UNK: variants seen among roughly 807,000 people sequenced by gnomAD.
UNK encodes the protein RING finger protein unkempt homolog.
Under a neutral mutation model 97.6 loss-of-function variants are expected in UNK, and 32 were observed. The ratio of observed to expected loss-of-function variants is 0.33; its 90% confidence interval spans 0.25 to 0.44. The LOEUF is 0.44. UNK is among the 20% of genes least tolerant of loss of function. UNK has a pLI of 1.00. For missense variants in UNK, 771 were observed against 1,098.4 expected (o/e 0.70, Z 4.21); for synonymous variants, 441 against 461.2 (o/e 0.96, Z 0.56).
Position 75,823,508 on chromosome 17 carries a change from G to T in UNK, c.2263G>T (p.Glu755Ter). ...CCAGAAACAACTGCGGGCCCACCTG[G>T]AACAAGTGGACAAGGTCAGCCCAGG... is the stretch of plus-strand genomic sequence containing the variant. Reference protein sequence around the residue: ...SLQKQLRAHLEQVDKAVFHMQ... With the variant: ...SLQKQLRAHL The change falls in exon 15 of 16, where the codon GAA (glutamate) becomes TAA (stop). Residue 755 changes from glutamate (E) to a stop codon, truncating the protein, a stop_gained. Transcript: ENST00000589666. LOFTEE classifies it high-confidence loss of function. 1 of 1,561,688 alleles carries T rather than the reference G, an allele frequency of 6.4e-7. No homozygotes were observed. Among genetic ancestry groups the T allele is most frequent in the Admixed American group, 1.8e-5 (1 of 54,954 alleles).
chr17:75,784,898 G>T lies in UNK; in HGVS notation c.18G>T (p.Gly6=), dbSNP rs770145068. 1.9e-6 allele frequency: 3 copies of T among 1,581,270 alleles called. No homozygotes were observed. The highest frequency in any genetic ancestry group is 1.7e-6 in the Non-Finnish European group (2 of 1,166,664). The change falls in exon 1 of 16, where the codon GGG becomes GGT. Residue 6 remains glycine, a synonymous_variant. Transcript: ENST00000589666. MSKGP[G]PGGSAASSAP... is the part of the protein sequence containing the mutation. ...ACAAGACCATGTCGAAGGGCCCCGG[G>T]CCCGGCGGCTCCGCAGCTTCCTCGG...
intron 1 of UNK, among the ~76,000 whole-genome samples, chr17:75,799,014 C>T (rs2061832145): frequency 1.3e-5 from 2 of 150,676 alleles, no homozygotes; most frequent in South Asian, 2.1e-4. Context: ...TGCAGTGAGC[C>T]GAGATCGGGC....
rs534233194 is a variant in UNK, at chr17:75,787,823, C to CA, written c.104+2854dup. On this transcript the variant is annotated intron_variant, in intron 1 of 15. Coordinates refer to ENST00000589666, the MANE Select transcript of UNK (RefSeq NM_001080419.3). ...CTGGGTGACAGAGTGAGACTCGGTC[C>CA]AAAAAAAAAAAAAAAGAGAGACGTG... Among the ~76,000 whole-genome samples the CA allele has an allele frequency of 4.0e-3, 441 of 111,612 alleles. 2 individuals carry two copies. The highest frequency in any genetic ancestry group is 0.015 in the South Asian group (48 of 3,236). The allele number at this position is 111,612 out of a possible 152,430, so 73.2% of individuals were successfully genotyped here.
rs1036477362 is a variant in UNK at position 75,810,105 on chromosome 17, C to T, written c.314+136C>T. ...CCAGCCCATGGCCCGAGCCTGGACT[C>T]AGACCCCACCATCCCTGGCGGTAGG... On this transcript the variant is annotated intron_variant, in intron 2 of 15. Transcript: ENST00000589666. 11 of 1,030,534 alleles carry T rather than the reference C, an allele frequency of 1.1e-5. No individual in the cohort carries two copies. The Admixed American group carries it at 1.5e-4, about 14-fold the overall frequency. The allele number at this position is 1,030,534 out of a possible 1,614,324, so 63.8% of individuals were successfully genotyped here. A position where few individuals can be genotyped will look rare whatever the true frequency, so the allele number is the denominator to read the frequency against.
At chr17:75,812,630 T>A in intron 4 of UNK, 45 bp downstream of exon 4, 1 of 1,589,962 alleles carries the variant, frequency 6.3e-7, no homozygotes, top group Non-Finnish European at 8.6e-7. Flanking sequence ...ATAATCCTGC[T>A]CATAGCTGCC....
intron 1 of UNK, among the ~76,000 whole-genome samples, chr17:75,793,227 G>A (rs1304470395): frequency 6.6e-6 from 1 of 152,172 alleles, no homozygotes; most frequent in Non-Finnish European, 1.5e-5. Flanking sequence ...AGGTGGAAGA[G>A]AAGTTTGCTG....
At chr17:75,808,616 C>T (rs894888814) in intron 1 of UNK, among the ~76,000 whole-genome samples, 5 of 152,050 alleles carry the variant, frequency 3.3e-5, no homozygotes, top group Non-Finnish European at 4.4e-5. Flanking sequence ...CAGCCTGGGT[C>T]GAGGATCCCT....
At chr17:75,801,064 C>G (rs778993589) in intron 1 of UNK, among the ~76,000 whole-genome samples, 3 of 151,332 alleles carry the variant, frequency 2.0e-5, no homozygotes, top group Non-Finnish European at 4.4e-5. Flanking sequence ...CCACCACGCC[C>G]GGCTAATTTT....
Position 75,819,480 on chromosome 17 carries a change from T to G in UNK, c.1547-204T>G. 10 of 578,614 alleles carry G rather than the reference T, an allele frequency of 1.7e-5. No individual in the cohort carries two copies. The highest frequency in any genetic ancestry group is 8.8e-5 in the East Asian group (3 of 34,096). The allele number at this position is 578,614 out of a possible 1,614,324, so 35.8% of individuals were successfully genotyped here. ...AAAGAAGATTCAGAAAGGAGAGGCA[T>G]TTGGGTTGGACATGACTGGCAGACG... On this transcript the variant is annotated intron_variant, in intron 11 of 15. Coordinates refer to ENST00000589666, the MANE Select transcript of UNK (RefSeq NM_001080419.3). The surrounding 1 kb of genome is among the most constrained non-coding windows in gnomAD (Gnocchi z 5.4).
rs1010725400 is a variant in UNK, at chr17:75,787,406, A to G, written c.104+2422A>G. 1.3e-5 allele frequency among the ~76,000 whole-genome samples: 2 copies of G among 151,436 alleles called. 1 individual carries two copies. On this transcript the variant is annotated intron_variant, in intron 1 of 15. Coordinates refer to ENST00000589666, the MANE Select transcript of UNK (RefSeq NM_001080419.3). The stretch of plus-strand genomic sequence containing the variant: ...TTTTTTGTAGAGACGTGATTTTGCC[A>G]TGTTGCCCAGCCTAGTCTCGAACTC...
chr17:75,810,762 A>C (rs939406224), intron 2 of UNK, among the ~76,000 whole-genome samples: 24 of 151,686 alleles, frequency 1.6e-4, no homozygotes, highest in African/African-American at 5.8e-4. Flanking sequence ...TCAGCCTCCC[A>C]AGTAGCTGGG....
In UNK at chr17:75,809,663, C is replaced by T; in HGVS notation, c.105-97C>T. On this transcript the variant is annotated intron_variant, in intron 1 of 15. Coordinates refer to ENST00000589666, the MANE Select transcript of UNK (RefSeq NM_001080419.3). The stretch of plus-strand genomic sequence containing the variant: ...TTCCAGTGGAACTAGCACCCCAGAG[C>T]AGGGCCCTCAGGGGACTTGGCGGCT... 3.0e-6 allele frequency: 4 copies of T among 1,311,600 alleles called. No individual in the cohort carries two copies. In the South Asian group the frequency reaches 4.1e-5, roughly 13 times the overall value. 81.2% of individuals were successfully genotyped at this position (1,311,600 alleles called of 1,614,324 possible). A position where few individuals can be genotyped will look rare whatever the true frequency, so the allele number is the denominator to read the frequency against.
chr17:75,813,579 G>A (rs181328425), intron 5 of UNK, among the ~76,000 whole-genome samples, 182 bp from the exon 6 acceptor site: 11 of 152,314 alleles, frequency 7.2e-5, no homozygotes, highest in African/African-American at 2.6e-4. Flanking sequence ...ATCCTTTGTG[G>A]TGATTCGGCC....
At chr17:75,815,489 G>A (rs2062008655) in intron 7 of UNK, among the ~76,000 whole-genome samples, 1 of 152,192 alleles carries the variant, frequency 6.6e-6, no homozygotes, top group African/African-American at 2.4e-5. Context: ...TGTCCGCCTG[G>A]TTGAGCACTC....
chr17:75,808,847 A>G (rs530116241), intron 1 of UNK: 3 of 152,356 alleles, frequency 2.0e-5, no homozygotes, highest in East Asian at 3.9e-4. Context: ...ACATGTAGCA[A>G]ACAAAAACCC....
Position 75,817,954 on chromosome 17 carries a change from G to A in UNK, c.1306-149G>A, listed in dbSNP as rs2062031944. 2.7e-6 allele frequency: 2 copies of A among 735,126 alleles called. No homozygotes were observed. The highest frequency in any genetic ancestry group is 1.7e-5 in the African/African-American group (1 of 57,636). 45.5% of individuals were successfully genotyped at this position (735,126 alleles called of 1,614,324 possible). A position where few individuals can be genotyped will look rare whatever the true frequency, so the allele number is the denominator to read the frequency against. The stretch of plus-strand genomic sequence containing the variant: ...AGGGTAGGGGAAGGGAGTAGGGGGT[G>A]GGGAGGAAGAAGGGGGTGTGTGCAT... On this transcript the variant is annotated intron_variant, in intron 9 of 15. Transcript: ENST00000589666. This position sits in a 1 kb window ranked among gnomAD's most constrained non-coding sequence, Gnocchi z 5.8.
In UNK at chr17:75,816,668, T is replaced by G. The variant is rs1220750994; in HGVS notation, c.962-102T>G. ...AGATGTCGTAGGAACCTTCCCTTTA[T>G]GTGCAGGGGGATTTGTGGTCTCCTT... On this transcript the variant is annotated intron_variant, in intron 7 of 15. Transcript: ENST00000589666. This position sits in a 1 kb window ranked among gnomAD's most constrained non-coding sequence, Gnocchi z 4.0. 26 of 1,391,160 alleles carry G rather than the reference T, an allele frequency of 1.9e-5. No homozygotes were observed. The South Asian group carries it at 3.7e-4, about 20-fold the overall frequency. 86.2% of individuals were successfully genotyped at this position (1,391,160 alleles called of 1,614,324 possible). A position where few individuals can be genotyped will look rare whatever the true frequency, so the allele number is the denominator to read the frequency against.
Position 75,812,549 on chromosome 17 carries a change from A to C in UNK, c.586A>C (p.Ile196Leu), listed in dbSNP as rs1168469078. Residue 196 changes from isoleucine (I) to leucine (L), a missense_variant, in exon 4 of 16, where the codon ATA (isoleucine) becomes CTA (leucine). Transcript: ENST00000589666. ...QSAGAASHAM[I>L]EKILSEEPRW... ...GGCTGGGGCTGCGAGCCATGCCATGATAGAAAAGATCCTCAGCGAGGAGCC... is the reference window on the plus strand; with the variant it reads ...GGCTGGGGCTGCGAGCCATGCCATGCTAGAAAAGATCCTCAGCGAGGAGCC... 6.2e-7 allele frequency: 1 copy of C among 1,613,214 alleles called. No homozygotes were observed. Among genetic ancestry groups the C allele is most frequent in the South Asian group, 1.1e-5 (1 of 91,040 alleles).
At chr17:75,814,072 G>A (rs1338605960) in intron 6 of UNK, among the ~76,000 whole-genome samples, 194 bp downstream of exon 6, 1 of 152,138 alleles carries the variant, frequency 6.6e-6, no homozygotes, top group African/African-American at 2.4e-5. Context: ...CTGAGCCCAC[G>A]CTCACCAAGC....
Sources: allele counts gnomAD v4.1 joint callset (sites outside exome capture counted in the v4.1 genomes callset), GRCh38; gene constraint gnomAD v4.1.1; non-coding constraint Gnocchi (gnomAD v3.1); transcripts MANE v1.5; gene names NCBI Gene and HGNC (gene_info 2026-07-23, HGNC 2026-07-21).